The following UGT1A6 variants were observed in gnomAD, a reference collection of about 807,000 sequenced individuals.
The protein encoded by UGT1A6 is UDP-glucuronosyltransferase 1A6.
In UGT1A6, 32 loss-of-function variants were observed where a neutral mutation model predicts 44.4. That is an observed-to-expected ratio of 0.72 (90% confidence interval 0.54 to 0.97). The LOEUF (loss-of-function observed/expected upper bound fraction) is 0.97. Among genes scored for constraint, UGT1A6 ranks in the 50% least tolerant of loss-of-function variants. The pLI, the probability that UGT1A6 is intolerant of heterozygous loss-of-function variation, is 0.00. For missense variants in UGT1A6, 685 were observed against 661.9 expected, an observed-to-expected ratio of 1.03 and a Z score of -0.38; for synonymous variants, 238 against 248.5, an observed-to-expected ratio of 0.96 and a Z score of 0.40.
chr2:233,702,996 T>G (rs577150100), intron 1 of UGT1A6, among the ~76,000 whole-genome samples: 1 of 152,328 alleles, frequency 6.6e-6, no homozygotes, highest in Admixed American at 6.5e-5. Flanking sequence ...TTCTCTTCTA[T>G]TTTTTGGGAA....
At chr2:233,745,396 T>A (rs1020698339) in intron 1 of UGT1A6, among the ~76,000 whole-genome samples, 1 of 151,856 alleles carries the variant, frequency 6.6e-6, no homozygotes, top group Non-Finnish European at 1.5e-5. Flanking sequence ...TATTCTCTTT[T>A]TGACACTGGA....
In UGT1A6 at chr2:233,767,156, C is replaced by A. The variant is rs1029357504; in HGVS notation, c.984C>A (p.Ile328=). Residue 328 remains isoleucine, a synonymous_variant, in exon 2 of 5, where the codon ATC becomes ATA. Coordinates refer to ENST00000305139, the MANE Select transcript of UGT1A6 (RefSeq NM_001072.4). Reference sequence around the variant, plus strand: ...CAATTGCTGATGCTTTGGGCAAAATCCCTCAGACAGTAAGAAGATTCTATA... The same window carrying A: ...CAATTGCTGATGCTTTGGGCAAAATACCTCAGACAGTAAGAAGATTCTATA... ...AMAIADALGK[I]PQTVLWRYTG... The A allele has an allele frequency of 6.2e-7, 1 of 1,614,058 alleles. No individual in the cohort carries two copies. Among genetic ancestry groups the A allele is most frequent in the Non-Finnish European group, 8.5e-7 (1 of 1,179,996 alleles).
At chr2:233,700,978 T>G (rs2075603422) in intron 1 of UGT1A6, among the ~76,000 whole-genome samples, 1 of 152,172 alleles carries the variant, frequency 6.6e-6, no homozygotes, top group Admixed American at 6.5e-5. Context: ...TGTTTGATTT[T>G]TTGTCCTTGC....
intron 1 of UGT1A6, among the ~76,000 whole-genome samples, chr2:233,722,586 G>A (rs1347129726): frequency 6.6e-6 from 1 of 152,110 alleles, no homozygotes; most frequent in Non-Finnish European, 1.5e-5. Flanking sequence ...CTTCGTTAGA[G>A]GACTATTACA....
intron 1 of UGT1A6, among the ~76,000 whole-genome samples, chr2:233,736,926 C>T (rs1389515258): frequency 2.0e-5 from 3 of 152,150 alleles, no homozygotes; most frequent in Non-Finnish European, 4.4e-5. Flanking sequence ...ACCAGAGGCG[C>T]ACCCACCTAT....
chr2:233,755,243 TC>T (rs1695828165), intron 1 of UGT1A6: 10 of 851,914 alleles, frequency 1.2e-5, no homozygotes. Flanking sequence ...ACCGGGGTAC[TC>T]CCAGCACCTC....
intron 1 of UGT1A6, chr2:233,719,293 G>A (rs149433426): frequency 1.9e-6 from 3 of 1,613,970 alleles, no homozygotes; most frequent in Middle Eastern, 1.7e-4. Context: ...AACCTCTGTG[G>A]GGCGGTGCTG....
chr2:233,759,108 C>T (rs1480612171), intron 1 of UGT1A6, among the ~76,000 whole-genome samples: 2 of 152,176 alleles, frequency 1.3e-5, no homozygotes, highest in African/African-American at 2.4e-5. Flanking sequence ...AGTTTGCAAA[C>T]CAGGGAGTTA....
chr2:233,737,525 C>T (rs943562691), intron 1 of UGT1A6, among the ~76,000 whole-genome samples: 11 of 152,188 alleles, frequency 7.2e-5, no homozygotes, highest in African/African-American at 1.4e-4. Context: ...GGTGAGGCGA[C>T]GCCCTGCCCT....
intron 1 of UGT1A6, chr2:233,719,272 C>T (rs1269795663): frequency 6.2e-7 from 1 of 1,614,132 alleles, no homozygotes; most frequent in Admixed American, 1.7e-5. Flanking sequence ...GTGGTTTTAA[C>T]AGACCCCGTT....
At chr2:233,696,854 A>G (rs1038185212) in intron 1 of UGT1A6, among the ~76,000 whole-genome samples, 3 of 152,116 alleles carry the variant, frequency 2.0e-5, no homozygotes, top group East Asian at 1.9e-4. Flanking sequence ...AATTTTGTTG[A>G]ATGTTTTTTC....
intron 1 of UGT1A6, among the ~76,000 whole-genome samples, chr2:233,698,217 G>C (rs1300246844): frequency 6.6e-6 from 1 of 151,932 alleles, no homozygotes. Flanking sequence ...TAATTATTAG[G>C]AATTAAATTA....
chr2:233,693,328 TCAGA>T lies in UGT1A6; in HGVS notation c.329_332del (p.Thr110SerfsTer6), dbSNP rs1300853040. 3.1e-6 allele frequency: 5 copies of T among 1,614,230 alleles called. No individual in the cohort carries two copies. Among genetic ancestry groups the T allele is most frequent in the Admixed American group, 1.7e-5 (1 of 60,030 alleles). ...CTGAGCGATCATTCCTAACTGCTCC[TCAGA>T]CAGAGTACAGGAATAACATGATTGT... On this transcript the variant is annotated frameshift_variant, in exon 1 of 5. Coordinates refer to ENST00000305139, the MANE Select transcript of UGT1A6 (RefSeq NM_001072.4). LOFTEE classifies it high-confidence loss of function.
chr2:233,751,459 G>A (rs1297643220), intron 1 of UGT1A6, among the ~76,000 whole-genome samples: 1 of 152,208 alleles, frequency 6.6e-6, no homozygotes, highest in East Asian at 1.9e-4. Context: ...TTGTTGGGAA[G>A]GCACGATTGG....
intron 1 of UGT1A6, chr2:233,729,582 C>A (rs143068136): frequency 2.2e-4 from 355 of 1,613,964 alleles, no homozygotes; most frequent in Middle Eastern, 3.3e-4. Context: ...TTTTAACAGA[C>A]CCCGTTAACC....
rs145912061 is a variant in UGT1A6 at position 233,761,006 on chromosome 2, G to A, written c.862-6028G>A. The A allele has an allele frequency of 8.7e-6, 14 of 1,614,158 alleles. No individual in the cohort carries two copies. The highest frequency in any genetic ancestry group is 1.2e-5 in the Non-Finnish European group (14 of 1,180,024). ...ACCCTTGCCTCAGAATTCCTTCAGAGAGAGGTGACTGTCCAGGACCTATTG... is the reference window on the plus strand; with the variant it reads ...ACCCTTGCCTCAGAATTCCTTCAGAAAGAGGTGACTGTCCAGGACCTATTG... On this transcript the variant is annotated intron_variant, in intron 1 of 4. Transcript: ENST00000305139.
At chr2:233,761,840 A>T (rs1697880873) in intron 1 of UGT1A6, among the ~76,000 whole-genome samples, 1 of 152,140 alleles carries the variant, frequency 6.6e-6, no homozygotes, top group African/African-American at 2.4e-5. Context: ...AGCGTTAGGG[A>T]ATTACTCTTT....
chr2:233,757,270 C>T (rs1464122204), intron 1 of UGT1A6, among the ~76,000 whole-genome samples: 2 of 102,654 alleles, frequency 1.9e-5, no homozygotes, highest in African/African-American at 7.7e-5. Context: ...GCAGCCGATG[C>T]AATGATTCAG....
chr2:233,752,178 G>A (rs941619397), intron 1 of UGT1A6, among the ~76,000 whole-genome samples: 2 of 152,178 alleles, frequency 1.3e-5, no homozygotes, highest in African/African-American at 4.8e-5. Flanking sequence ...GATGTAAGCT[G>A]AATTAAAATC....
Sources: gnomAD v4.1 joint callset for allele counts (sites outside exome capture counted in the v4.1 genomes callset) on GRCh38, gnomAD v4.1.1 for gene constraint, MANE v1.5 for transcripts, NCBI Gene and HGNC (gene_info 2026-07-23, HGNC 2026-07-21) for gene names.